Variants in MIPOL1 observed in about 807,000 individuals in gnomAD.
The protein encoded by MIPOL1 is mirror-image polydactyly 1, also known as mirror-image polydactyly gene 1 protein.
Under a neutral mutation model 60.9 loss-of-function variants are expected in MIPOL1, and 57 were observed. The observed-to-expected ratio is 0.94, with a 90% CI of 0.76 to 1.17. The LOEUF (loss-of-function observed/expected upper bound fraction) is 1.17, where lower values mean the gene tolerates loss of function less well. Among genes scored for constraint, MIPOL1 ranks in the 50% most tolerant of loss-of-function variants. MIPOL1 has a pLI of 0.00. For missense variants in MIPOL1, 551 were observed against 511.6 expected (o/e 1.08, Z -0.74); for synonymous variants, 179 against 168.8 (o/e 1.06, Z -0.47).
intron 10 of MIPOL1, among the ~76,000 whole-genome samples, chr14:37,417,879 T>TG (rs547032049): frequency 2.8e-3 from 420 of 152,310 alleles, no homozygotes; most frequent in Non-Finnish European, 3.8e-3. Context: ...TCTGGATACT[T>TG]GTTAGTTCCA....
intron 10 of MIPOL1, among the ~76,000 whole-genome samples, chr14:37,381,982 T>C (rs990316146): frequency 2.0e-5 from 3 of 152,046 alleles, no homozygotes; most frequent in Non-Finnish European, 2.9e-5. Flanking sequence ...TTCCTCAACC[T>C]TAGTTTTGTT....
At chr14:37,454,854 CA>C (rs1222700919) in intron 11 of MIPOL1, among the ~76,000 whole-genome samples, 1 of 152,082 alleles carries the variant, frequency 6.6e-6, no homozygotes, top group Non-Finnish European at 1.5e-5. Context: ...CTGATTATTT[CA>C]TTTAGAATAC....
intron 11 of MIPOL1, among the ~76,000 whole-genome samples, chr14:37,480,205 C>T (rs1192619846): frequency 6.6e-6 from 1 of 152,024 alleles, no homozygotes; most frequent in East Asian, 1.9e-4. Context: ...ACTCTTTTTG[C>T]AAGGCCACCA....
chr14:37,221,965 T>C (rs948361174), intron 1 of MIPOL1, among the ~76,000 whole-genome samples: 2 of 151,132 alleles, frequency 1.3e-5, no homozygotes, highest in Non-Finnish European at 2.9e-5. Flanking sequence ...TCCAGTCTTA[T>C]TGAAATCAAA....
intron 11 of MIPOL1, among the ~76,000 whole-genome samples, chr14:37,423,301 T>C (rs114162409): frequency 0.036 from 5,448 of 149,480 alleles, 349 homozygotes; most frequent in African/African-American, 0.13. Context: ...TTTATACTTA[T>C]ACATATAAAT....
chr14:37,375,356 T>G (rs2092746367), intron 10 of MIPOL1, among the ~76,000 whole-genome samples: 1 of 152,044 alleles, frequency 6.6e-6, no homozygotes, highest in African/African-American at 2.4e-5. Context: ...GCACGGCATG[T>G]GCCACCATGC....
At chr14:37,397,650 C>T (rs898316141) in intron 10 of MIPOL1, among the ~76,000 whole-genome samples, 12 of 152,008 alleles carry the variant, frequency 7.9e-5, no homozygotes, top group Non-Finnish European at 1.5e-4. Flanking sequence ...CTCAGACTCT[C>T]CTTGGGTAGG....
intron 11 of MIPOL1, among the ~76,000 whole-genome samples, chr14:37,478,486 AG>A (rs2094811245): frequency 6.6e-6 from 1 of 152,208 alleles, no homozygotes. Flanking sequence ...CAAACTAAAA[AG>A]GAAGATAGCA....
At chr14:37,484,780 T>A (rs894949028) in intron 11 of MIPOL1, among the ~76,000 whole-genome samples, 1 of 152,194 alleles carries the variant, frequency 6.6e-6, no homozygotes, top group Non-Finnish European at 1.5e-5. Flanking sequence ...TTCTGCTATT[T>A]AGCCTATCCT....
At chr14:37,211,952 T>C (rs940092173) in intron 1 of MIPOL1, among the ~76,000 whole-genome samples, 4 of 151,986 alleles carry the variant, frequency 2.6e-5, no homozygotes, top group Non-Finnish European at 5.9e-5. Context: ...ATGACATTTG[T>C]AAACACACCC....
chr14:37,385,238 CT>C (rs780442421), intron 10 of MIPOL1, among the ~76,000 whole-genome samples: 19 of 151,928 alleles, frequency 1.3e-4, no homozygotes, highest in Non-Finnish European at 2.8e-4. Context: ...CACTTTTTAT[CT>C]TATGTAATTA....
intron 1 of MIPOL1, among the ~76,000 whole-genome samples, chr14:37,208,505 G>A (rs11846576): frequency 0.044 from 6,685 of 152,140 alleles, 340 homozygotes; most frequent in African/African-American, 0.12. Flanking sequence ...AACATAGCAA[G>A]TAATACATGA....
chr14:37,383,306 A>C (rs1352468674), intron 10 of MIPOL1, among the ~76,000 whole-genome samples: 1 of 151,858 alleles, frequency 6.6e-6, no homozygotes, highest in Non-Finnish European at 1.5e-5. Flanking sequence ...GTTTAAGTCC[A>C]GAGTCATTTT....
In MIPOL1 at chr14:37,383,124, G is replaced by A. The variant is rs555072492; in HGVS notation, c.936+13500G>A. Among the ~76,000 whole-genome samples, 9 of 151,570 alleles carry A rather than the reference G, an allele frequency of 5.9e-5. No individual in the cohort carries two copies. The South Asian group carries it at 1.7e-3, about 28-fold the overall frequency. ...GTACAACCATAATCGTATCTAAATG[G>A]CATTTATATTATCTTTTATTTGTAC... On this transcript the variant is annotated intron_variant, in intron 10 of 12. Transcript: ENST00000684589.
intron 11 of MIPOL1, among the ~76,000 whole-genome samples, chr14:37,490,443 T>C (rs1344895194): frequency 6.6e-6 from 1 of 152,108 alleles, no homozygotes; most frequent in East Asian, 1.9e-4. Context: ...TTCAGCCCCC[T>C]TTCCAGGGGA....
At chr14:37,320,615 T>G (rs1048143949) in intron 9 of MIPOL1, among the ~76,000 whole-genome samples, 13 of 152,086 alleles carry the variant, frequency 8.5e-5, no homozygotes, top group African/African-American at 2.9e-4. Context: ...TGTAGTCTAA[T>G]TTATCATTTT....
At chr14:37,318,820 T>G (rs61989587) in intron 9 of MIPOL1, among the ~76,000 whole-genome samples, 134,367 of 147,060 alleles carry the variant, frequency 0.91, 61,794 homozygotes, top group East Asian at 1. Context: ...TATTTATTTA[T>G]TTATTTAGTT....
intron 3 of MIPOL1, among the ~76,000 whole-genome samples, chr14:37,256,748 C>T (rs777659236): frequency 0.22 from 33,346 of 151,688 alleles, 4,136 homozygotes; most frequent in South Asian, 0.35. Context: ...GCAGTAGAAA[C>T]CAGCATCAGA....
chr14:37,396,287 G>A (rs1049805756), intron 10 of MIPOL1, among the ~76,000 whole-genome samples: 3 of 152,088 alleles, frequency 2.0e-5, no homozygotes, highest in African/African-American at 4.8e-5. Flanking sequence ...TGTTTGAGGA[G>A]GCTTAAGATA....
Sources: allele counts gnomAD v4.1 joint callset (sites outside exome capture counted in the v4.1 genomes callset), GRCh38; gene constraint gnomAD v4.1.1; transcripts MANE v1.5; gene names NCBI Gene and HGNC (gene_info 2026-07-23, HGNC 2026-07-21).